ZBTB7C: variants seen among roughly 807,000 people sequenced by gnomAD.
ZBTB7C encodes zinc finger and BTB domain containing 7C.
Under a neutral mutation model 25.7 loss-of-function variants are expected in ZBTB7C, and 8 were observed. The observed-to-expected ratio is 0.31, with a 90% confidence interval of 0.18 to 0.56. The LOEUF (loss-of-function observed/expected upper bound fraction) is 0.56, where lower values mean the gene tolerates loss of function less well. Ranked by LOEUF, ZBTB7C falls within the 20% of genes least tolerant of loss-of-function variation. The pLI is 0.91. For synonymous variants in ZBTB7C, 394 were observed against 369.0 expected (o/e 1.07, Z -0.78); for missense variants, 824 against 855.2 (o/e 0.96, Z 0.46).
chr18:48,214,270 T>C (rs181660831), intron 2 of ZBTB7C, among the ~76,000 whole-genome samples: 266 of 152,342 alleles, frequency 1.7e-3, no homozygotes, highest in Non-Finnish European at 3.4e-3. Context: ...AAACTGAAAC[T>C]GTCTCCAATA....
chr18:48,319,943 C>T (rs184317054), intron 2 of ZBTB7C, among the ~76,000 whole-genome samples: 4 of 152,008 alleles, frequency 2.6e-5, no homozygotes, highest in Admixed American at 1.3e-4. Context: ...CTGTCTGGGC[C>T]GTGGGTTTAT....
At chr18:48,239,189 C>T (rs2145386327) in intron 2 of ZBTB7C, among the ~76,000 whole-genome samples, 1 of 152,322 alleles carries the variant, frequency 6.6e-6, no homozygotes, top group East Asian at 1.9e-4. Context: ...AGTCTGAGCT[C>T]AGAAACACCT....
chr18:48,045,228 G>A (rs2144198637), intron 3 of ZBTB7C, among the ~76,000 whole-genome samples: 2 of 152,348 alleles, frequency 1.3e-5, no homozygotes, highest in South Asian at 4.1e-4. Context: ...AGCCTCAGGG[G>A]CTGGAATGTG....
At chr18:48,048,457 C>G (rs2036557465) in intron 3 of ZBTB7C, among the ~76,000 whole-genome samples, 1 of 152,176 alleles carries the variant, frequency 6.6e-6, no homozygotes, top group Non-Finnish European at 1.5e-5. Flanking sequence ...AGGGTGAGGT[C>G]CCCGCTCTCA....
intron 3 of ZBTB7C, among the ~76,000 whole-genome samples, chr18:48,072,776 C>T (rs1260586251): frequency 2.0e-5 from 3 of 152,216 alleles, no homozygotes; most frequent in Non-Finnish European, 4.4e-5. Flanking sequence ...TTAAGAGCCG[C>T]CTGTGATGAA....
intron 3 of ZBTB7C, among the ~76,000 whole-genome samples, chr18:48,097,567 T>C (rs1484845496): frequency 1.3e-5 from 2 of 152,094 alleles, no homozygotes; most frequent in Admixed American, 1.3e-4. Flanking sequence ...CAGCTAATTT[T>C]TGTATTTTTA....
chr18:48,106,528 C>T (rs538683576), intron 3 of ZBTB7C, among the ~76,000 whole-genome samples: 1 of 152,174 alleles, frequency 6.6e-6, no homozygotes, highest in East Asian at 1.9e-4. Flanking sequence ...TAAAACTATT[C>T]CCCATGTTAT....
chr18:48,161,876 T>C (rs1262993516), intron 3 of ZBTB7C, among the ~76,000 whole-genome samples: 1 of 151,246 alleles, frequency 6.6e-6, no homozygotes, highest in Non-Finnish European at 1.5e-5. Context: ...CCGCAGCCTG[T>C]TTCCCGGGCC....
At chr18:48,214,234 C>T (rs536051667) in intron 2 of ZBTB7C, among the ~76,000 whole-genome samples, 1 of 152,328 alleles carries the variant, frequency 6.6e-6, no homozygotes, top group East Asian at 1.9e-4. Flanking sequence ...CCACCATCCA[C>T]CTCCAGAACT....
chr18:48,256,995 C>A (rs945378537), intron 2 of ZBTB7C, among the ~76,000 whole-genome samples: 1 of 151,948 alleles, frequency 6.6e-6, no homozygotes, highest in Non-Finnish European at 1.5e-5. Flanking sequence ...AAGATGATAA[C>A]TCTAAACCTA....
chr18:48,077,527 C>G (rs1044280583), intron 3 of ZBTB7C, among the ~76,000 whole-genome samples: 1 of 152,144 alleles, frequency 6.6e-6, no homozygotes, highest in African/African-American at 2.4e-5. Context: ...TAGTACAGGG[C>G]CTGGCATGGA....
At chr18:48,213,944 T>G (rs2042762685) in intron 2 of ZBTB7C, among the ~76,000 whole-genome samples, 1 of 152,192 alleles carries the variant, frequency 6.6e-6, no homozygotes, top group Admixed American at 6.5e-5. Flanking sequence ...ACAACGTGTG[T>G]GGCAAATGCA....
At chr18:48,352,857 G>A (rs78041458) in intron 1 of ZBTB7C, among the ~76,000 whole-genome samples, 2,144 of 152,232 alleles carry the variant, frequency 0.014, 58 homozygotes, top group African/African-American at 0.047. Flanking sequence ...TGTTCACTGT[G>A]TTGGGAGGGC....
At chr18:48,256,736 G>A (rs1177833837) in intron 2 of ZBTB7C, among the ~76,000 whole-genome samples, 7 of 151,922 alleles carry the variant, frequency 4.6e-5, no homozygotes, top group Non-Finnish European at 8.8e-5. Flanking sequence ...AAATGAAAAT[G>A]TACTATTGTA....
chr18:48,087,006 G>T (rs2038214264), intron 3 of ZBTB7C, among the ~76,000 whole-genome samples: 1 of 152,196 alleles, frequency 6.6e-6, no homozygotes, highest in Admixed American at 6.5e-5. Context: ...CAGCGATTCT[G>T]AGAAGTAACT....
upstream of ZBTB7C, chr18:48,409,397 G>C (rs1443323153): frequency 2.0e-5 from 3 of 146,700 alleles, no homozygotes; most frequent in African/African-American, 7.4e-5. Context: ...GCTGAGCGGC[G>C]GCAGCGGGCG....
chr18:48,200,077 C>T (rs146562791), intron 2 of ZBTB7C, among the ~76,000 whole-genome samples: 264 of 152,122 alleles, frequency 1.7e-3, no homozygotes, highest in African/African-American at 6.0e-3. Context: ...CCCTTAGCCA[C>T]CCTGCCTGGA....
chr18:48,116,804 C>T (rs904258804), intron 3 of ZBTB7C, among the ~76,000 whole-genome samples: 2 of 152,118 alleles, frequency 1.3e-5, no homozygotes, highest in African/African-American at 4.8e-5. Context: ...GTTAACCCCA[C>T]CAGAAGGCTT....
intron 2 of ZBTB7C, among the ~76,000 whole-genome samples, chr18:48,229,725 A>G (rs2043200246): frequency 6.6e-6 from 1 of 152,154 alleles, no homozygotes. Flanking sequence ...GTTGGCGGGA[A>G]TTGTCGAAGA....
Sources: allele counts gnomAD v4.1 joint callset (sites outside exome capture counted in the v4.1 genomes callset), GRCh38; gene constraint gnomAD v4.1.1; transcripts MANE v1.5; gene names NCBI Gene and HGNC (gene_info 2026-07-23, HGNC 2026-07-21).